The following ADAMTS6 variants were observed in gnomAD, a reference collection of about 807,000 sequenced individuals.
The protein encoded by ADAMTS6 is A disintegrin and metalloproteinase with thrombospondin motifs 6.
In ADAMTS6, 23 loss-of-function variants were observed where a neutral mutation model predicts 144.3. That is an observed-to-expected ratio of 0.16 (90% CI 0.11 to 0.23). ADAMTS6 has a LOEUF of 0.23. Ranked by LOEUF, ADAMTS6 falls within the 10% of genes least tolerant of loss-of-function variation. ADAMTS6 has a pLI of 1.00. For synonymous variants in ADAMTS6, 444 were observed against 457.5 expected, an observed-to-expected ratio of 0.97 and a Z score of 0.38; for missense variants, 999 against 1,379.6, an observed-to-expected ratio of 0.72 and a Z score of 4.37.
At chr5:65,265,362 C>A (rs1561350395) in intron 12 of ADAMTS6, among the ~76,000 whole-genome samples, 1 of 152,006 alleles carries the variant, frequency 6.6e-6, no homozygotes, top group South Asian at 2.1e-4. Context: ...TGAAAACTTA[C>A]GACTTAGCTA....
At chr5:65,309,234 T>A (rs1317239795) in intron 9 of ADAMTS6, among the ~76,000 whole-genome samples, 1 of 151,930 alleles carries the variant, frequency 6.6e-6, no homozygotes, top group Non-Finnish European at 1.5e-5. Context: ...CTCACTACAA[T>A]GTAGAATCAG....
chr5:65,355,457 C>T (rs777755168), intron 7 of ADAMTS6, among the ~76,000 whole-genome samples: 7 of 151,820 alleles, frequency 4.6e-5, no homozygotes, highest in African/African-American at 7.2e-5. Flanking sequence ...GGAAATTGAA[C>T]TGTGACACCC....
chr5:65,202,297 T>C (rs765175663), intron 20 of ADAMTS6, among the ~76,000 whole-genome samples: 7 of 152,232 alleles, frequency 4.6e-5, no homozygotes, highest in Non-Finnish European at 8.8e-5. Context: ...AAAAATATTG[T>C]ATTTTTCTAG....
At chr5:65,380,115 T>C (rs948190258) in intron 7 of ADAMTS6, among the ~76,000 whole-genome samples, 1 of 152,066 alleles carries the variant, frequency 6.6e-6, no homozygotes, top group African/African-American at 2.4e-5. Context: ...ATAGTATAAA[T>C]CAGAACTTTT....
chr5:65,224,936 G>A lies in ADAMTS6; in HGVS notation c.2179C>T (p.Leu727=). 1 of 1,613,654 alleles carries A rather than the reference G, an allele frequency of 6.2e-7. No individual in the cohort carries two copies. The highest frequency in any genetic ancestry group is 8.5e-7 in the Non-Finnish European group (1 of 1,179,854). The change falls in exon 17 of 25, where the codon CTG becomes TTG. Residue 727 remains leucine, a synonymous_variant. Coordinates refer to ENST00000381055, the MANE Select transcript of ADAMTS6 (RefSeq NM_197941.4). ...DAIEGFFNDS[L]PRGGYMEVVQ... Reference sequence around the variant, plus strand: ...TCTACATACTCACCTCCCCTGGGCAGTGAATCATTGAAGAACCCTTCAATG... The same window carrying A: ...TCTACATACTCACCTCCCCTGGGCAATGAATCATTGAAGAACCCTTCAATG...
At position 65,188,322 on chromosome 5, in the gene ADAMTS6, A is replaced by G; in HGVS notation, c.2706-102T>C. 3.7e-6 allele frequency: 4 copies of G among 1,089,542 alleles called. 1 individual carries two copies. The South Asian group carries it at 4.1e-5, about 11-fold the overall frequency. 67.5% of individuals were successfully genotyped at this position (1,089,542 alleles called of 1,614,324 possible). On this transcript the variant is annotated intron_variant, in intron 21 of 24. Transcript: ENST00000381055. ...TTTCACTGATGGACTACGAGCTGAC[A>G]TTTCAATGTTGGTTAATAAGACAAA... is the stretch of plus-strand genomic sequence containing the variant.
intron 13 of ADAMTS6, 122 bp downstream of exon 13, chr5:65,262,695 G>C (rs1202834761): frequency 1.7e-6 from 2 of 1,206,514 alleles, no homozygotes; most frequent in Non-Finnish European, 2.2e-6. Flanking sequence ...CCTATGGCTT[G>C]TTCTGAAGAC....
rs542757454 is a variant in ADAMTS6, at chr5:65,263,341, A to C, written c.1621-379T>G. ...TTTTTCTTTATATTTCACTATTATT[A>C]GACTCATGGAATGATAACGCAATAT... On this transcript the variant is annotated intron_variant, in intron 12 of 24. Coordinates refer to ENST00000381055, the MANE Select transcript of ADAMTS6 (RefSeq NM_197941.4). Among the ~76,000 whole-genome samples, 76 of 151,624 alleles carry C rather than the reference A, an allele frequency of 5.0e-4. 1 individual carries two copies. The Middle Eastern group carries it at 0.01, about 20-fold the overall frequency.
In ADAMTS6 at chr5:65,436,396, A is replaced by G. The variant is rs148812201; in HGVS notation, c.1073+15079T>C. ...TGCTTCTTCTTCAACAAATTGTGAC[A>G]TTATTTCAAGACATGCTTTATTTTA... On this transcript the variant is annotated intron_variant, in intron 7 of 24. Coordinates refer to ENST00000381055, the MANE Select transcript of ADAMTS6 (RefSeq NM_197941.4). Among the ~76,000 whole-genome samples, 416 of 152,330 alleles carry G rather than the reference A, an allele frequency of 2.7e-3. 2 individuals carry two copies. The highest frequency in any genetic ancestry group is 9.6e-3 in the African/African-American group (397 of 41,562).
intron 7 of ADAMTS6, among the ~76,000 whole-genome samples, chr5:65,405,094 C>T (rs377624915): frequency 4.0e-5 from 6 of 151,862 alleles, no homozygotes; most frequent in East Asian, 1.9e-4. Flanking sequence ...ATTCTGTAGG[C>T]TGCCTGTTCA....
chr5:65,459,239 G>A (rs983697146), intron 4 of ADAMTS6, among the ~76,000 whole-genome samples: 2 of 151,976 alleles, frequency 1.3e-5, no homozygotes, highest in South Asian at 2.1e-4. Context: ...CTCTAGTCTT[G>A]CTCTTCTCTA....
At chr5:65,329,292 T>C (rs1580410205) in intron 9 of ADAMTS6, 86 bp downstream of exon 9, 1 of 1,209,618 alleles carries the variant, frequency 8.3e-7, no homozygotes, top group Non-Finnish European at 1.2e-6. Flanking sequence ...TAAAATAAGG[T>C]TCAGCACAGC....
At chr5:65,298,263 A>T (rs1313939134) in intron 10 of ADAMTS6, among the ~76,000 whole-genome samples, 2 of 152,154 alleles carry the variant, frequency 1.3e-5, no homozygotes, top group East Asian at 3.8e-4. Flanking sequence ...CCAATGGGAC[A>T]GACACAAGAT....
At chr5:65,338,787 T>C (rs1378440669) in intron 7 of ADAMTS6, among the ~76,000 whole-genome samples, 5 of 152,208 alleles carry the variant, frequency 3.3e-5, no homozygotes, top group African/African-American at 1.2e-4. Flanking sequence ...GGGCCACCAC[T>C]GGCAAACACG....
intron 7 of ADAMTS6, among the ~76,000 whole-genome samples, chr5:65,363,238 T>A (rs907701301): frequency 6.6e-6 from 1 of 152,182 alleles, no homozygotes; most frequent in African/African-American, 2.4e-5. Flanking sequence ...AATACTATAG[T>A]ATGTTACTGA....
chr5:65,441,207 A>G (rs1757833760), intron 7 of ADAMTS6, among the ~76,000 whole-genome samples: 1 of 152,214 alleles, frequency 6.6e-6, no homozygotes, highest in Admixed American at 6.5e-5. Context: ...ATGAAAATAC[A>G]TATTAGACCA....
intron 9 of ADAMTS6, among the ~76,000 whole-genome samples, chr5:65,302,021 G>A (rs1743432594): frequency 6.7e-6 from 1 of 148,906 alleles, no homozygotes. Flanking sequence ...GAACTCAGGA[G>A]GCAGAAGTTG....
intron 4 of ADAMTS6, among the ~76,000 whole-genome samples, chr5:65,453,180 T>C (rs1009505327): frequency 5.3e-5 from 8 of 152,260 alleles, no homozygotes; most frequent in Admixed American, 3.3e-4. Context: ...AATTTTCAAA[T>C]AGTCATTTCA....
At chr5:65,374,741 C>T (rs1319882829) in intron 7 of ADAMTS6, among the ~76,000 whole-genome samples, 1 of 152,104 alleles carries the variant, frequency 6.6e-6, no homozygotes, top group Non-Finnish European at 1.5e-5. Context: ...ACTTTCTTCA[C>T]AGAAATGGAA....
Sources: allele counts gnomAD v4.1 joint callset (sites outside exome capture counted in the v4.1 genomes callset), GRCh38; gene constraint gnomAD v4.1.1; transcripts MANE v1.5; gene names NCBI Gene and HGNC (gene_info 2026-07-23, HGNC 2026-07-21).